Variants in CSMD1 observed in about 807,000 individuals in gnomAD.
CSMD1 encodes CUB and sushi domain-containing protein 1.
Under a neutral mutation model 417.5 loss-of-function variants are expected in CSMD1, and 213 were observed. The observed-to-expected ratio is 0.51, with a 90% CI of 0.46 to 0.57. CSMD1 has a LOEUF of 0.57. CSMD1 is among the 20% of genes least tolerant of loss of function. The pLI is 0.00. For missense variants in CSMD1, 6,923 were observed against 4,529.7 expected (o/e 1.53, Z -15.17); for synonymous variants, 2,862 against 1,736.8 (o/e 1.65, Z -16.11).
intron 26 of CSMD1, among the ~76,000 whole-genome samples, chr8:3,232,129 C>G (rs184423267): frequency 1.3e-5 from 2 of 152,330 alleles, no homozygotes; most frequent in East Asian, 3.9e-4. Context: ...TACCCTTCCC[C>G]ATATCACCTT....
intron 9 of CSMD1, among the ~76,000 whole-genome samples, chr8:3,581,766 G>T (rs375427822): frequency 1.3e-5 from 2 of 152,250 alleles, no homozygotes; most frequent in African/African-American, 4.8e-5. Context: ...GGCTAAGAAT[G>T]AATCAGGAAA....
intron 4 of CSMD1, 109 bp from the exon 5 acceptor site, chr8:3,998,219 A>G: frequency 1.1e-6 from 1 of 895,692 alleles, no homozygotes; most frequent in Non-Finnish European, 1.7e-6. Flanking sequence ...TTCTGAACCC[A>G]AAATTGAGAC....
chr8:3,756,304 G>C (rs946719752), intron 5 of CSMD1, among the ~76,000 whole-genome samples: 4 of 150,662 alleles, frequency 2.7e-5, no homozygotes, highest in African/African-American at 7.3e-5. Flanking sequence ...AGTGAGCTGA[G>C]ATCGCGCCAC....
chr8:4,593,109 C>A (rs1325895124), intron 2 of CSMD1, among the ~76,000 whole-genome samples: 1 of 152,152 alleles, frequency 6.6e-6, no homozygotes, highest in African/African-American at 2.4e-5. Context: ...ATTTCTTGGT[C>A]TCATTCCTTT....
intron 3 of CSMD1, among the ~76,000 whole-genome samples, chr8:4,345,705 G>T (rs1200778575): frequency 6.6e-6 from 1 of 151,970 alleles, no homozygotes; most frequent in Non-Finnish European, 1.5e-5. Flanking sequence ...TTTTTAAAAA[G>T]GCTCAACGTC....
intron 1 of CSMD1, among the ~76,000 whole-genome samples, chr8:4,933,816 T>C (rs753507670): frequency 3.3e-5 from 5 of 152,198 alleles, no homozygotes; most frequent in African/African-American, 7.2e-5. Context: ...GTGAGCCCGA[T>C]ACATTTATTT....
chr8:3,865,512 G>T (rs528177180), intron 5 of CSMD1, among the ~76,000 whole-genome samples: 2 of 152,136 alleles, frequency 1.3e-5, no homozygotes, highest in Admixed American at 6.5e-5. Flanking sequence ...ACAATAGTGG[G>T]GGAAAGAGTT....
chr8:3,716,828 T>G (rs1801869805), intron 6 of CSMD1, among the ~76,000 whole-genome samples: 1 of 152,154 alleles, frequency 6.6e-6, no homozygotes, highest in African/African-American at 2.4e-5. Flanking sequence ...AGTATGGTAG[T>G]CATCTAATAA....
intron 8 of CSMD1, among the ~76,000 whole-genome samples, chr8:3,593,421 G>A (rs1291358115): frequency 6.6e-6 from 1 of 152,188 alleles, no homozygotes; most frequent in African/African-American, 2.4e-5. Flanking sequence ...CCTGCCTCCA[G>A]GGCAGAGGCC....
chr8:4,711,198 G>C (rs966222469), intron 1 of CSMD1, among the ~76,000 whole-genome samples: 13 of 150,958 alleles, frequency 8.6e-5, no homozygotes, highest in Admixed American at 7.3e-4. Context: ...CTCATACTTG[G>C]AAAGGCAAAT....
intron 26 of CSMD1, among the ~76,000 whole-genome samples, chr8:3,236,772 C>G (rs1799178365): frequency 6.6e-6 from 1 of 152,164 alleles, no homozygotes; most frequent in South Asian, 2.1e-4. Flanking sequence ...TTTGCTGACT[C>G]TGAAGGTTTC....
At chr8:3,161,624 G>GAA (rs10644122) in intron 38 of CSMD1, among the ~76,000 whole-genome samples, 1,617 of 58,020 alleles carry the variant, frequency 0.028, 36 homozygotes, top group African/African-American at 0.074. Flanking sequence ...CTCCCTCTCA[G>GAA]AAAAAAAAAA....
At chr8:3,382,205 G>C (rs569558917) in intron 18 of CSMD1, among the ~76,000 whole-genome samples, 1 of 151,906 alleles carries the variant, frequency 6.6e-6, no homozygotes, top group African/African-American at 2.4e-5. Context: ...GTTTTAGTGA[G>C]CCGAGATCCT....
intron 5 of CSMD1, among the ~76,000 whole-genome samples, chr8:3,994,992 G>A (rs867402731): frequency 3.3e-5 from 5 of 152,114 alleles, no homozygotes; most frequent in South Asian, 2.1e-4. Context: ...ATGACCCTGT[G>A]CTTGGGAAGA....
chr8:4,401,829 G>C (rs995817767), intron 3 of CSMD1, among the ~76,000 whole-genome samples: 2 of 152,008 alleles, frequency 1.3e-5, no homozygotes, highest in Non-Finnish European at 2.9e-5. Context: ...CCTGGGATTG[G>C]CTGCTCATCA....
intron 26 of CSMD1, among the ~76,000 whole-genome samples, chr8:3,278,132 T>G (rs1023020227): frequency 1.3e-5 from 2 of 152,038 alleles, no homozygotes; most frequent in Non-Finnish European, 2.9e-5. Context: ...AGAGTGACCC[T>G]TGGAATAAGG....
chr8:3,141,010 G>C (rs1256251310), intron 41 of CSMD1, among the ~76,000 whole-genome samples: 2 of 152,182 alleles, frequency 1.3e-5, no homozygotes, highest in African/African-American at 2.4e-5. Context: ...ATACATACCT[G>C]AGAGACCTAC....
At position 3,603,537 on chromosome 8, in the gene CSMD1, A is replaced by T. The variant is rs369777639; in HGVS notation, c.1097+13173T>A. On this transcript the variant is annotated intron_variant, in intron 8 of 69. Transcript: ENST00000635120. ...GTAAAAATCACTTACAGAAATGAAC[A>T]CTGGTTCAAGAAATAAGATCATGTT... 1.5e-3 allele frequency among the ~76,000 whole-genome samples: 221 copies of T among 152,254 alleles called. 1 individual carries two copies. The highest frequency in any genetic ancestry group is 5.0e-3 in the African/African-American group (206 of 41,536).
intron 1 of CSMD1, among the ~76,000 whole-genome samples, chr8:4,648,404 C>A (rs111717199): frequency 2.0e-5 from 3 of 152,082 alleles, no homozygotes; most frequent in East Asian, 3.9e-4. Flanking sequence ...CCTAATGGTG[C>A]CTCAGCCATG....
Sources: gnomAD v4.1 joint callset for allele counts (sites outside exome capture counted in the v4.1 genomes callset) on GRCh38, gnomAD v4.1.1 for gene constraint, MANE v1.5 for transcripts, NCBI Gene and HGNC (gene_info 2026-07-23, HGNC 2026-07-21) for gene names.